Variants in SSBP3 observed in about 807,000 individuals in gnomAD.
The protein encoded by SSBP3 is single stranded DNA binding protein 3.
In SSBP3, 5 loss-of-function variants were observed where a neutral mutation model predicts 69.6. That is an observed-to-expected ratio of 0.07 (90% confidence interval 0.04 to 0.15). The LOEUF is 0.15. Ranked by LOEUF, SSBP3 falls within the 10% of genes least tolerant of loss-of-function variation. SSBP3 has a pLI of 1.00. For synonymous variants in SSBP3, 196 were observed against 193.4 expected, an observed-to-expected ratio of 1.01 and a Z score of -0.11; for missense variants, 312 against 534.0, an observed-to-expected ratio of 0.58 and a Z score of 4.10.
chr1:54,264,182 G>A (rs914190897), intron 5 of SSBP3, among the ~76,000 whole-genome samples: 4 of 151,940 alleles, frequency 2.6e-5, no homozygotes, highest in African/African-American at 9.7e-5. Flanking sequence ...TGCGCCTGTG[G>A]CCCCAGTTAC....
chr1:54,246,755 G>A (rs1393386092), intron 9 of SSBP3, among the ~76,000 whole-genome samples: 1 of 152,226 alleles, frequency 6.6e-6, no homozygotes, highest in Non-Finnish European at 1.5e-5. Flanking sequence ...CAACTTGAAG[G>A]CCCAGAAAGC....
At chr1:54,301,080 C>A (rs1645792570) in intron 4 of SSBP3, among the ~76,000 whole-genome samples, 1 of 152,292 alleles carries the variant, frequency 6.6e-6, no homozygotes, top group African/African-American at 2.4e-5. Context: ...CCTTCAACAA[C>A]CCTGCAGGAC....
chr1:54,289,233 G>A (rs1645561107), intron 4 of SSBP3, among the ~76,000 whole-genome samples: 1 of 152,038 alleles, frequency 6.6e-6, no homozygotes, highest in African/African-American at 2.4e-5. Context: ...TTCTAGCTCT[G>A]CTCTTTCTGA....
intron 14 of SSBP3, among the ~76,000 whole-genome samples, chr1:54,230,691 C>T (rs867053336): frequency 6.6e-6 from 1 of 152,150 alleles, no homozygotes; most frequent in African/African-American, 2.4e-5. Context: ...CTCCAACGCC[C>T]CCGGCCCCAG....
chr1:54,296,268 C>T (rs534345183), intron 4 of SSBP3, among the ~76,000 whole-genome samples: 4 of 152,210 alleles, frequency 2.6e-5, no homozygotes, highest in Non-Finnish European at 5.9e-5. Flanking sequence ...AACATGAAAA[C>T]CTCTGGAGAG....
chr1:54,365,265 G>A (rs568594189), intron 4 of SSBP3, among the ~76,000 whole-genome samples: 14 of 152,294 alleles, frequency 9.2e-5, no homozygotes, highest in Admixed American at 7.8e-4. Context: ...ACACAATGTC[G>A]AAAGGCCCTT....
intron 4 of SSBP3, among the ~76,000 whole-genome samples, chr1:54,374,459 A>T (rs1029319885): frequency 2.6e-5 from 4 of 152,184 alleles, no homozygotes; most frequent in Non-Finnish European, 4.4e-5. Flanking sequence ...CTTCCCATCT[A>T]AAAGTTCTTG....
intron 4 of SSBP3, among the ~76,000 whole-genome samples, chr1:54,326,814 C>A (rs1480942216): frequency 6.6e-6 from 1 of 152,142 alleles, no homozygotes; most frequent in Non-Finnish European, 1.5e-5. Context: ...TTTGTTTCCA[C>A]CACTGAAAAT....
intron 14 of SSBP3, among the ~76,000 whole-genome samples, chr1:54,230,351 C>T (rs76587831): frequency 0.022 from 3,395 of 152,298 alleles, 126 homozygotes; most frequent in African/African-American, 0.078. Context: ...CAACCCAGGA[C>T]ACAGCCATGC....
At chr1:54,291,778 G>A (rs1191245857) in intron 4 of SSBP3, among the ~76,000 whole-genome samples, 3 of 152,224 alleles carry the variant, frequency 2.0e-5, no homozygotes, top group Non-Finnish European at 4.4e-5. Flanking sequence ...ACTACGAAGC[G>A]CTGGGCACTT....
intron 9 of SSBP3, among the ~76,000 whole-genome samples, chr1:54,248,403 C>T (rs1378268872): frequency 6.6e-6 from 1 of 152,232 alleles, no homozygotes; most frequent in African/African-American, 2.4e-5. Context: ...ATTTCGCCCA[C>T]CCTCCAGTAG....
chr1:54,256,976 C>T (rs1570278235), intron 7 of SSBP3, 151 bp downstream of exon 7: 1 of 758,578 alleles, frequency 1.3e-6, no homozygotes, highest in East Asian at 3.0e-5. Flanking sequence ...ACATGGGGCC[C>T]TCTCTGGGGA....
intron 4 of SSBP3, among the ~76,000 whole-genome samples, chr1:54,334,496 T>C (rs954826820): frequency 1.8e-4 from 28 of 152,328 alleles, no homozygotes; most frequent in African/African-American, 6.3e-4. Context: ...GACCCACTCA[T>C]TAGCTCCAAA....
chr1:54,227,919 G>C (rs1161133149), intron 17 of SSBP3, among the ~76,000 whole-genome samples: 1 of 152,210 alleles, frequency 6.6e-6, no homozygotes, highest in Non-Finnish European at 1.5e-5. Context: ...ATCGTTGGCT[G>C]CACGAACCTT....
chr1:54,374,633 A>T (rs758556405), intron 4 of SSBP3, among the ~76,000 whole-genome samples: 1 of 152,198 alleles, frequency 6.6e-6, no homozygotes, highest in Non-Finnish European at 1.5e-5. Context: ...AAGCCTGTTC[A>T]GGTGGAACAA....
intron 4 of SSBP3, among the ~76,000 whole-genome samples, chr1:54,395,910 C>T (rs1557591180): frequency 6.6e-6 from 1 of 151,910 alleles, no homozygotes; most frequent in Non-Finnish European, 1.5e-5. Flanking sequence ...ACCCCGTTAC[C>T]GGCCAGGCGC....
At chr1:54,256,984 G>A in intron 7 of SSBP3, 143 bp downstream of exon 7, 1 of 805,572 alleles carries the variant, frequency 1.2e-6, no homozygotes, top group Non-Finnish European at 2.0e-6. Flanking sequence ...CCCTCTCTGG[G>A]GAACAGCTAG....
At chr1:54,369,127 A>G (rs752200675) in intron 4 of SSBP3, among the ~76,000 whole-genome samples, 1 of 150,280 alleles carries the variant, frequency 6.7e-6, no homozygotes, top group Non-Finnish European at 1.5e-5. Flanking sequence ...GTCAGAAACC[A>G]CTGAAACCTA....
intron 4 of SSBP3, among the ~76,000 whole-genome samples, chr1:54,337,022 A>G (rs1427040736): frequency 6.6e-6 from 1 of 152,226 alleles, no homozygotes; most frequent in Admixed American, 6.5e-5. Context: ...TGGTATCTTG[A>G]CAGCTCTCAA....
Sources: allele counts gnomAD v4.1 joint callset (sites outside exome capture counted in the v4.1 genomes callset), GRCh38; gene constraint gnomAD v4.1.1; transcripts MANE v1.5; gene names NCBI Gene and HGNC (gene_info 2026-07-23, HGNC 2026-07-21).